Variants in SUGCT observed in about 807,000 individuals in gnomAD.
SUGCT encodes succinyl-CoA:glutarate CoA-transferase.
Under a neutral mutation model 55.0 loss-of-function variants are expected in SUGCT, and 41 were observed. The observed-to-expected ratio is 0.74, with a 90% CI of 0.58 to 0.97. The LOEUF is 0.97. Ranked by LOEUF, SUGCT falls within the 50% of genes least tolerant of loss-of-function variation. The pLI is 0.00. For missense variants in SUGCT, 568 were observed against 547.8 expected (o/e 1.04, Z -0.37); for synonymous variants, 187 against 200.4 (o/e 0.93, Z 0.56).
At chr7:40,801,764 G>C (rs1790827133) in intron 13 of SUGCT, among the ~76,000 whole-genome samples, 1 of 151,934 alleles carries the variant, frequency 6.6e-6, no homozygotes, top group Admixed American at 6.6e-5. Context: ...CATAGGAATG[G>C]GGGGAAAATA....
At chr7:40,362,014 T>C (rs899241949) in intron 9 of SUGCT, among the ~76,000 whole-genome samples, 1 of 151,930 alleles carries the variant, frequency 6.6e-6, no homozygotes, top group African/African-American at 2.4e-5. Context: ...AATATTTAAA[T>C]GTCAATCCAG....
At chr7:40,954,469 T>G in the SUGCT span, among the ~76,000 whole-genome samples, 1 of 152,184 alleles carries the variant, frequency 6.6e-6, no homozygotes, top group African/African-American at 2.4e-5. Flanking sequence ...CTGCACCCAG[T>G]GTCTGACAAG....
chr7:41,023,488 A>G, the SUGCT span, among the ~76,000 whole-genome samples: 1 of 152,286 alleles, frequency 6.6e-6, no homozygotes, highest in African/African-American at 2.4e-5. Context: ...AAATAAAAAT[A>G]TATTCTTACA....
the SUGCT span, among the ~76,000 whole-genome samples, chr7:40,998,901 G>T: frequency 6.6e-6 from 1 of 152,198 alleles, no homozygotes; most frequent in Non-Finnish European, 1.5e-5. Context: ...TCACTATGCA[G>T]AAAATGTGTT....
At chr7:40,561,160 T>A (rs1004798224) in intron 12 of SUGCT, among the ~76,000 whole-genome samples, 1 of 152,214 alleles carries the variant, frequency 6.6e-6, no homozygotes, top group African/African-American at 2.4e-5. Flanking sequence ...CAAGCCTTTT[T>A]ACACAGACTA....
At chr7:40,195,133 C>T in intron 6 of SUGCT, 73 bp downstream of exon 6, 2 of 1,352,782 alleles carry the variant, frequency 1.5e-6, no homozygotes, top group Non-Finnish European at 1.9e-6. Context: ...TATAAGAAAC[C>T]TTTTGCTGGC....
chr7:40,740,599 A>G (rs893311066), intron 12 of SUGCT, among the ~76,000 whole-genome samples: 7 of 149,852 alleles, frequency 4.7e-5, no homozygotes, highest in Non-Finnish European at 7.4e-5. Context: ...CTCATTTTCA[A>G]TCTTAGAGGA....
intron 13 of SUGCT, among the ~76,000 whole-genome samples, chr7:40,855,150 G>A (rs1420175389): frequency 1.3e-5 from 2 of 150,608 alleles, no homozygotes; most frequent in Non-Finnish European, 3.0e-5. Context: ...GAAATTTTAT[G>A]TGATGTCAAG....
intron 9 of SUGCT, among the ~76,000 whole-genome samples, chr7:40,357,470 G>C (rs566952454): frequency 2.6e-5 from 4 of 152,206 alleles, no homozygotes; most frequent in Admixed American, 2.6e-4. Context: ...TGTCGATTTT[G>C]TTGAGTTATG....
chr7:40,612,162 A>G (rs906182730), intron 12 of SUGCT, among the ~76,000 whole-genome samples: 1 of 152,168 alleles, frequency 6.6e-6, no homozygotes, highest in South Asian at 2.1e-4. Flanking sequence ...AGTACTTTAT[A>G]TCTGCGAGAA....
chr7:40,540,691 G>A (rs138910917), intron 12 of SUGCT, among the ~76,000 whole-genome samples: 1 of 152,262 alleles, frequency 6.6e-6, no homozygotes, highest in Admixed American at 6.5e-5. Context: ...AGGCAGAACT[G>A]CCAGGCTGAC....
chr7:40,650,583 C>T (rs1800729170), intron 12 of SUGCT, among the ~76,000 whole-genome samples: 2 of 152,124 alleles, frequency 1.3e-5, no homozygotes, highest in South Asian at 2.1e-4. Flanking sequence ...ATGTTTTAGC[C>T]AACTTTCAGC....
intron 8 of SUGCT, among the ~76,000 whole-genome samples, chr7:40,295,598 T>G (rs1794084547): frequency 8.6e-5 from 13 of 151,634 alleles, no homozygotes; most frequent in Admixed American, 8.5e-4. Flanking sequence ...AACAAACAAA[T>G]AAAAGAAAAA....
At chr7:40,782,123 AAGGC>A (rs1315881365) in intron 13 of SUGCT, among the ~76,000 whole-genome samples, 1 of 152,066 alleles carries the variant, frequency 6.6e-6, no homozygotes, top group Non-Finnish European at 1.5e-5. Context: ...CAATGGGAAA[AAGGC>A]ATAAACCTTA....
intron 6 of SUGCT, chr7:40,217,542 T>C (rs1189819055): frequency 2.8e-6 from 1 of 363,058 alleles, no homozygotes. Flanking sequence ...TCTCCACACC[T>C]GCTTACAGTG....
intron 12 of SUGCT, among the ~76,000 whole-genome samples, chr7:40,569,448 A>T (rs1049835465): frequency 6.6e-6 from 1 of 152,222 alleles, no homozygotes; most frequent in Non-Finnish European, 1.5e-5. Flanking sequence ...CTCCGCAGGA[A>T]CTAGCTGAAT....
At chr7:40,440,958 T>TA (rs879299342) in intron 9 of SUGCT, among the ~76,000 whole-genome samples, 74 of 144,600 alleles carry the variant, frequency 5.1e-4, no homozygotes, top group African/African-American at 8.8e-4. Flanking sequence ...ATGCTGTCTT[T>TA]AAAAAAAAAA....
At chr7:40,904,676 G>C in the SUGCT span, among the ~76,000 whole-genome samples, 2 of 152,114 alleles carry the variant, frequency 1.3e-5, no homozygotes, top group Non-Finnish European at 2.9e-5. Flanking sequence ...TAAAATGGTT[G>C]AGATGATACA....
the SUGCT span, chr7:40,968,091 A>T: frequency 1.3e-5 from 2 of 152,192 alleles, no homozygotes; most frequent in Non-Finnish European, 2.9e-5. Flanking sequence ...AATGAAAAAC[A>T]TACTCATTGT....
Sources: allele counts gnomAD v4.1 joint callset (sites outside exome capture counted in the v4.1 genomes callset), GRCh38; gene constraint gnomAD v4.1.1; transcripts MANE v1.5; gene names NCBI Gene and HGNC (gene_info 2026-07-23, HGNC 2026-07-21).